Variants in GALNT17 observed in about 807,000 individuals in gnomAD.
GALNT17 encodes polypeptide N-acetylgalactosaminyltransferase 17.
A neutral mutation model predicts 63.7 loss-of-function variants in GALNT17; 29 were observed. The observed-to-expected ratio is 0.46, with a 90% CI of 0.34 to 0.62. The LOEUF is 0.62. Ranked by LOEUF, GALNT17 falls within the 20% of genes least tolerant of loss-of-function variation. The pLI is 0.01. For synonymous variants in GALNT17, 305 were observed against 318.3 expected (o/e 0.96, Z 0.45); for missense variants, 603 against 799.6 (o/e 0.75, Z 2.97).
chr7:71,675,354 T>C (rs1376515851), intron 8 of GALNT17, among the ~76,000 whole-genome samples: 1 of 152,228 alleles, frequency 6.6e-6, no homozygotes, highest in Non-Finnish European at 1.5e-5. Flanking sequence ...ATTAAATTAC[T>C]GAATGATAGA....
intron 1 of GALNT17, among the ~76,000 whole-genome samples, chr7:71,154,063 A>G (rs1263713612): frequency 6.6e-6 from 1 of 152,194 alleles, no homozygotes; most frequent in South Asian, 2.1e-4. Flanking sequence ...GATCGAATTC[A>G]GTGGAAATAA....
intron 5 of GALNT17, among the ~76,000 whole-genome samples, chr7:71,458,683 A>T (rs1787397096): frequency 6.6e-6 from 1 of 151,978 alleles, no homozygotes; most frequent in Non-Finnish European, 1.5e-5. Context: ...GATGGATGGG[A>T]ACGTGGAAAG....
intron 2 of GALNT17, among the ~76,000 whole-genome samples, chr7:71,346,756 G>A (rs1392287158): frequency 2.1e-5 from 3 of 143,678 alleles, no homozygotes; most frequent in Admixed American, 7.0e-5. Context: ...TGGGGGGGCG[G>A]GGGTGGGTGG....
At chr7:71,484,412 C>G in intron 5 of GALNT17, among the ~76,000 whole-genome samples, 1 of 152,086 alleles carries the variant, frequency 6.6e-6, no homozygotes, top group East Asian at 1.9e-4. Flanking sequence ...GGCTTGAACT[C>G]AGGAGGCAGA....
At chr7:71,692,152 G>A (rs1453664534) in intron 9 of GALNT17, among the ~76,000 whole-genome samples, 1 of 152,002 alleles carries the variant, frequency 6.6e-6, no homozygotes, top group Non-Finnish European at 1.5e-5. Flanking sequence ...TCAAACTCCT[G>A]GCCTCCCGCA....
intron 1 of GALNT17, among the ~76,000 whole-genome samples, chr7:71,135,566 T>A (rs1472110594): frequency 6.6e-6 from 1 of 152,188 alleles, no homozygotes; most frequent in African/African-American, 2.4e-5. Context: ...TGCACCAGTG[T>A]CTTGATCTTC....
At chr7:71,459,891 A>G (rs567099326) in intron 5 of GALNT17, among the ~76,000 whole-genome samples, 34 of 152,346 alleles carry the variant, frequency 2.2e-4, no homozygotes, top group Non-Finnish European at 5.9e-5. Context: ...GTTTTATTTT[A>G]ACATGAACAT....
At chr7:71,409,922 G>T (rs1321069968) in intron 3 of GALNT17, among the ~76,000 whole-genome samples, 1 of 152,146 alleles carries the variant, frequency 6.6e-6, no homozygotes, top group African/African-American at 2.4e-5. Context: ...GGGTAAAGGG[G>T]ATGAAATTAT....
rs1789825055 is a variant in GALNT17, at chr7:71,592,572, A to C, written c.1080+21170A>C. The stretch of plus-strand genomic sequence containing the variant: ...AGCATAGCATAGCATACTAAAATAA[A>C]ATAAAATAAAATAAAATAAAATAAA... On this transcript the variant is annotated intron_variant, in intron 6 of 10. Coordinates refer to ENST00000333538, the MANE Select transcript of GALNT17 (RefSeq NM_022479.3). Among the ~76,000 whole-genome samples, 4 of 146,072 alleles carry C rather than the reference A, an allele frequency of 2.7e-5. No individual in the cohort carries two copies. The South Asian group carries it at 8.5e-4, about 31-fold the overall frequency.
At chr7:71,478,928 T>C (rs4476891) in intron 5 of GALNT17, among the ~76,000 whole-genome samples, 39,961 of 152,116 alleles carry the variant, frequency 0.26, 7,166 homozygotes, top group East Asian at 0.54. Context: ...CCCTTTTCTC[T>C]GAAACTAGCT....
intron 1 of GALNT17, among the ~76,000 whole-genome samples, chr7:71,163,035 A>G (rs919664337): frequency 6.6e-6 from 1 of 152,184 alleles, no homozygotes. Context: ...GGCAACTTGG[A>G]TATGTTTGGA....
Position 71,293,047 on chromosome 7 carries a change from G to A in GALNT17, c.239-42503G>A, listed in dbSNP as rs146205743. On this transcript the variant is annotated intron_variant, in intron 1 of 10. Coordinates refer to ENST00000333538, the MANE Select transcript of GALNT17 (RefSeq NM_022479.3). Reference sequence around the variant, plus strand: ...ATTTCCTTCTTGTTGAAGGGTGAATGCTATTCCATTGTGTATGTGTGTGTG... The same window carrying A: ...ATTTCCTTCTTGTTGAAGGGTGAATACTATTCCATTGTGTATGTGTGTGTG... Among the ~76,000 whole-genome samples the A allele has an allele frequency of 1.9e-3, 285 of 151,410 alleles. 2 individuals carry two copies. Among genetic ancestry groups the A allele is most frequent in the Non-Finnish European group, 4.3e-4 (29 of 67,842 alleles).
At chr7:71,282,085 C>G (rs536550129) in intron 1 of GALNT17, among the ~76,000 whole-genome samples, 2 of 152,222 alleles carry the variant, frequency 1.3e-5, no homozygotes, top group Non-Finnish European at 2.9e-5. Flanking sequence ...ATCCCTGAAT[C>G]TTGCTTTCAT....
intron 5 of GALNT17, among the ~76,000 whole-genome samples, chr7:71,570,197 C>A (rs996989893): frequency 6.6e-6 from 1 of 152,082 alleles, no homozygotes; most frequent in African/African-American, 2.4e-5. Context: ...TGAATTTATA[C>A]AAAAATAAAA....
intron 1 of GALNT17, among the ~76,000 whole-genome samples, chr7:71,222,783 G>T (rs2116424550): frequency 6.6e-6 from 1 of 152,206 alleles, no homozygotes; most frequent in East Asian, 1.9e-4. Flanking sequence ...GCTTAAGATG[G>T]TTTCTGGCCG....
intron 2 of GALNT17, among the ~76,000 whole-genome samples, chr7:71,356,673 G>A (rs563800953): frequency 1.1e-4 from 16 of 152,250 alleles, no homozygotes; most frequent in African/African-American, 2.6e-4. Flanking sequence ...ATGAGCGGTC[G>A]GCCCCATGAC....
chr7:71,694,571 T>G (rs1791512143), intron 9 of GALNT17, among the ~76,000 whole-genome samples: 1 of 152,150 alleles, frequency 6.6e-6, no homozygotes, highest in African/African-American at 2.4e-5. Flanking sequence ...AATGTTCGTA[T>G]TTTTAGTAGA....
At chr7:71,511,134 A>G (rs775970539) in intron 5 of GALNT17, among the ~76,000 whole-genome samples, 2 of 152,114 alleles carry the variant, frequency 1.3e-5, no homozygotes, top group Non-Finnish European at 2.9e-5. Flanking sequence ...GTGAGCCATG[A>G]TCATGCACCA....
At chr7:71,537,194 C>T (rs1788815285) in intron 5 of GALNT17, among the ~76,000 whole-genome samples, 1 of 152,184 alleles carries the variant, frequency 6.6e-6, no homozygotes, top group Non-Finnish European at 1.5e-5. Context: ...TTTCATTTTG[C>T]ATTGTATATC....
Sources: allele counts gnomAD v4.1 joint callset (sites outside exome capture counted in the v4.1 genomes callset), GRCh38; gene constraint gnomAD v4.1.1; transcripts MANE v1.5; gene names NCBI Gene and HGNC (gene_info 2026-07-23, HGNC 2026-07-21).